Variants in PTBP3 observed in about 807,000 individuals in gnomAD.
The protein encoded by PTBP3 is polypyrimidine tract binding protein 3.
In PTBP3, 20 loss-of-function variants were observed where a neutral mutation model predicts 58.7. The observed-to-expected ratio is 0.34, with a 90% confidence interval of 0.24 to 0.50. The LOEUF is 0.50. PTBP3 is among the 20% of genes least tolerant of loss of function. PTBP3 has a pLI of 0.98. For synonymous variants in PTBP3, 185 were observed against 219.8 expected, an observed-to-expected ratio of 0.84 and a Z score of 1.40; for missense variants, 509 against 637.2, an observed-to-expected ratio of 0.80 and a Z score of 2.17.
Position 112,231,361 on chromosome 9 carries a change from A to G in PTBP3, c.1054+19T>C, listed in dbSNP as rs1835192127. 2 of 1,567,386 alleles carry G rather than the reference A, an allele frequency of 1.3e-6. No homozygotes were observed. The highest frequency in any genetic ancestry group is 4.5e-5 in the East Asian group (2 of 44,170). On this transcript the variant is annotated intron_variant, in intron 10 of 13. Coordinates refer to ENST00000374257, the MANE Select transcript of PTBP3 (RefSeq NM_001163788.4). ...ATTCACACCTGTAGACAATAATAAA[A>G]TAGCAAAAATGAACTTACCAAATAG...
chr9:112,267,160 C>A (rs1836832724), intron 4 of PTBP3, among the ~76,000 whole-genome samples: 1 of 150,670 alleles, frequency 6.6e-6, no homozygotes, highest in Non-Finnish European at 1.5e-5. Flanking sequence ...TTTAAAAAAA[C>A]CCACTTTCTT....
chr9:112,356,572 G>T, the PTBP3 span, among the ~76,000 whole-genome samples: 1 of 54,620 alleles, frequency 1.8e-5, no homozygotes, highest in Admixed American at 2.7e-4. Context: ...GGTACATAAA[G>T]CAACAGAGCA....
intron 4 of PTBP3, among the ~76,000 whole-genome samples, chr9:112,267,799 C>T (rs1381306538): frequency 1.3e-5 from 2 of 152,032 alleles, no homozygotes; most frequent in South Asian, 2.1e-4. Flanking sequence ...TTAAGATGTA[C>T]ATAACAATAA....
At chr9:112,230,518 T>C (rs73535705) in intron 10 of PTBP3, among the ~76,000 whole-genome samples, 6,530 of 152,096 alleles carry the variant, frequency 0.043, 251 homozygotes, top group African/African-American at 0.087. Flanking sequence ...GTGGATTACA[T>C]GAAAAAAATA....
At chr9:112,296,347 T>A (rs972059183) in intron 2 of PTBP3, among the ~76,000 whole-genome samples, 5 of 152,072 alleles carry the variant, frequency 3.3e-5, no homozygotes, top group Non-Finnish European at 5.9e-5. Context: ...TAGTATCCTG[T>A]ATGCTTTAAC....
chr9:112,376,198 C>CGTGTGT, the PTBP3 span, among the ~76,000 whole-genome samples: 62 of 4,098 alleles, frequency 0.015, 1 homozygote, highest in African/African-American at 0.079. Flanking sequence ...TCCTTATATA[C>CGTGTGT]GTGTGTGTGT....
the PTBP3 span, among the ~76,000 whole-genome samples, chr9:112,355,487 C>T: frequency 1.3e-5 from 2 of 152,294 alleles, no homozygotes; most frequent in African/African-American, 4.8e-5. Context: ...AAAGGAAGTT[C>T]AGAAGTAGTG....
intron 10 of PTBP3, 33 bp from the exon 11 acceptor site, chr9:112,228,505 CG>C (rs1835077880): frequency 9.3e-6 from 13 of 1,397,646 alleles, no homozygotes; most frequent in Non-Finnish European, 1.2e-5. Context: ...CTGTGTTTAA[CG>C]TCTGATTGTG....
At chr9:112,285,934 T>C (rs530685045) in intron 2 of PTBP3, among the ~76,000 whole-genome samples, 4 of 152,252 alleles carry the variant, frequency 2.6e-5, no homozygotes, top group Non-Finnish European at 5.9e-5. Flanking sequence ...TGAAGATTTA[T>C]CTATTTCTGT....
At chr9:112,295,304 T>C (rs1828629110) in intron 2 of PTBP3, among the ~76,000 whole-genome samples, 1 of 151,562 alleles carries the variant, frequency 6.6e-6, no homozygotes, top group Admixed American at 6.6e-5. Context: ...AATGTAGGAA[T>C]TCCAGATCTG....
intron 1 of PTBP3, among the ~76,000 whole-genome samples, chr9:112,315,736 CAA>C (rs1829678414): frequency 1.3e-5 from 2 of 152,140 alleles, no homozygotes; most frequent in African/African-American, 2.4e-5. Flanking sequence ...TGAATTCTAT[CAA>C]AGAGTTTTAA....
chr9:112,296,280 A>G (rs189558109), intron 2 of PTBP3, among the ~76,000 whole-genome samples: 1 of 152,318 alleles, frequency 6.6e-6, no homozygotes, highest in East Asian at 1.9e-4. Flanking sequence ...ACACCTAAAT[A>G]GAATGACTGT....
At chr9:112,356,578 G>C in the PTBP3 span, among the ~76,000 whole-genome samples, 1 of 26,444 alleles carries the variant, frequency 3.8e-5, no homozygotes, top group Admixed American at 5.3e-4. Context: ...TAAAGCAACA[G>C]AGCAAAAAAA....
At position 112,218,439 on chromosome 9, in the gene PTBP3, AAG is replaced by A. The variant is rs1007258468; in HGVS notation, c.*5410_*5411del. On this transcript the variant is annotated 3_prime_UTR_variant, in exon 14 of 14. Transcript: ENST00000374257. ...ACAGACAAGAACACAGAAAAATTTT[AAG>A]AGAGTACAGATGTCATGACATTTAT... is the stretch of plus-strand genomic sequence containing the variant. 3.3e-5 allele frequency: 5 copies of A among 152,610 alleles called. No individual in the cohort carries two copies. Among genetic ancestry groups the A allele is most frequent in the Admixed American group, 2.6e-4 (4 of 15,280 alleles). 9.5% of individuals were successfully genotyped at this position (152,610 alleles called of 1,614,324 possible). A position where few individuals can be genotyped will look rare whatever the true frequency, so the allele number is the denominator to read the frequency against.
chr9:112,377,606 A>C, the PTBP3 span, among the ~76,000 whole-genome samples: 24 of 152,168 alleles, frequency 1.6e-4, no homozygotes, highest in Non-Finnish European at 3.2e-4. Context: ...AATTACATTA[A>C]TGTTGCATAT....
chr9:112,245,564 T>A (rs1316392035), intron 7 of PTBP3, among the ~76,000 whole-genome samples: 2 of 152,180 alleles, frequency 1.3e-5, no homozygotes, highest in East Asian at 3.9e-4. Context: ...CATGTCCTAG[T>A]CATGTCCATT....
intron 7 of PTBP3, among the ~76,000 whole-genome samples, chr9:112,236,670 A>G (rs1286844187): frequency 6.6e-6 from 1 of 152,202 alleles, no homozygotes; most frequent in Non-Finnish European, 1.5e-5. Context: ...TAGGTGGAAG[A>G]GCACATATTT....
chr9:112,235,801 T>C (rs1166390191), intron 7 of PTBP3, among the ~76,000 whole-genome samples: 1 of 151,478 alleles, frequency 6.6e-6, no homozygotes, highest in Non-Finnish European at 1.5e-5. Flanking sequence ...AGCCTGGGGG[T>C]ATAGGTACAC....
intron 1 of PTBP3, among the ~76,000 whole-genome samples, chr9:112,309,478 T>C (rs1454549901): frequency 6.6e-6 from 1 of 151,298 alleles, no homozygotes; most frequent in African/African-American, 2.5e-5. Flanking sequence ...TGTTCAAAAC[T>C]TTTTTTCTTA....
Sources: allele counts gnomAD v4.1 joint callset (sites outside exome capture counted in the v4.1 genomes callset), GRCh38; gene constraint gnomAD v4.1.1; transcripts MANE v1.5; gene names NCBI Gene and HGNC (gene_info 2026-07-23, HGNC 2026-07-21).